Variants in METTL15 observed in about 807,000 individuals in gnomAD.
METTL15 encodes methyltransferase 15, mitochondrial 12S rRNA N4-cytidine.
Under a neutral mutation model 38.3 loss-of-function variants are expected in METTL15, and 34 were observed. That is an observed-to-expected ratio of 0.89 (90% CI 0.68 to 1.18). The LOEUF (loss-of-function observed/expected upper bound fraction) is 1.18, where lower values mean the gene tolerates loss of function less well. Among genes scored for constraint, METTL15 ranks in the 50% most tolerant of loss-of-function variants. The pLI is 0.00. For synonymous variants in METTL15, 162 were observed against 170.9 expected, an observed-to-expected ratio of 0.95 and a Z score of 0.41; for missense variants, 438 against 498.4, an observed-to-expected ratio of 0.88 and a Z score of 1.15.
intron 5 of METTL15, among the ~76,000 whole-genome samples, chr11:28,401,579 G>A (rs568525290): frequency 2.0e-5 from 3 of 151,800 alleles, no homozygotes; most frequent in African/African-American, 7.3e-5. Context: ...ATTGTAAGCA[G>A]CAATACCAGC....
chr11:28,140,151 A>G (rs1412356972), intron 3 of METTL15, among the ~76,000 whole-genome samples: 1 of 152,126 alleles, frequency 6.6e-6, no homozygotes, highest in Non-Finnish European at 1.5e-5. Context: ...GGGGTGTGAG[A>G]TGTGCCTCTA....
chr11:28,340,475 A>G (rs779301078), intron 3 of METTL15, among the ~76,000 whole-genome samples: 2 of 152,170 alleles, frequency 1.3e-5, no homozygotes, highest in Non-Finnish European at 2.9e-5. Context: ...AAACAAATTT[A>G]CAAGAAAGAA....
intron 3 of METTL15, among the ~76,000 whole-genome samples, chr11:28,136,643 A>C (rs1002244166): frequency 1.3e-5 from 2 of 152,198 alleles, no homozygotes; most frequent in Admixed American, 1.3e-4. Context: ...ATTATTCATT[A>C]AAATATAACC....
At chr11:28,152,124 A>G (rs917319725) in intron 3 of METTL15, among the ~76,000 whole-genome samples, 3 of 151,954 alleles carry the variant, frequency 2.0e-5, no homozygotes, top group South Asian at 2.1e-4. Flanking sequence ...CTGCTACTTT[A>G]TATACATTTT....
At chr11:28,211,023 T>G (rs779957461) in intron 3 of METTL15, 39 bp from the exon 4 acceptor site, 13 of 1,576,590 alleles carry the variant, frequency 8.2e-6, no homozygotes, top group Non-Finnish European at 9.4e-6. Context: ...TAAGTTTTGT[T>G]TATGCTAAGT....
At chr11:28,387,302 A>G (rs1028114002) in intron 5 of METTL15, among the ~76,000 whole-genome samples, 1 of 151,906 alleles carries the variant, frequency 6.6e-6, no homozygotes, top group Admixed American at 6.6e-5. Flanking sequence ...AAATTGACAA[A>G]CTCTTAGCTA....
At chr11:28,122,259 A>G (rs1852275553) in intron 3 of METTL15, 1 of 1,017,724 alleles carries the variant, frequency 9.8e-7, no homozygotes, top group African/African-American at 1.7e-5. Context: ...ATCATGTTAT[A>G]AAATGTGAAA....
chr11:28,255,837 G>T (rs1486381624), intron 4 of METTL15, among the ~76,000 whole-genome samples: 1 of 152,190 alleles, frequency 6.6e-6, no homozygotes, highest in African/African-American at 2.4e-5. Flanking sequence ...CCAAGTGTCT[G>T]GGATTACAGG....
chr11:28,204,544 A>T (rs2133825538), intron 3 of METTL15, among the ~76,000 whole-genome samples: 1 of 150,266 alleles, frequency 6.7e-6, no homozygotes, highest in East Asian at 2.0e-4. Flanking sequence ...ATGCTTGGTA[A>T]ACCATAAAGC....
At chr11:28,155,348 G>A (rs1205840833) in intron 3 of METTL15, among the ~76,000 whole-genome samples, 1 of 152,128 alleles carries the variant, frequency 6.6e-6, no homozygotes, top group African/African-American at 2.4e-5. Context: ...TACAAGGGGT[G>A]GAGGAGAGAA....
intron 4 of METTL15, among the ~76,000 whole-genome samples, chr11:28,286,633 A>G (rs959067269): frequency 2.6e-5 from 4 of 152,120 alleles, no homozygotes; most frequent in Non-Finnish European, 4.4e-5. Context: ...GAACTGTTTA[A>G]CAAAACAGTA....
intron 5 of METTL15, among the ~76,000 whole-genome samples, chr11:28,393,832 G>A (rs1186199841): frequency 1.3e-5 from 2 of 152,132 alleles, no homozygotes; most frequent in African/African-American, 4.8e-5. Context: ...ACCATTGGAA[G>A]TCATCTTGAA....
chr11:28,114,615 T>A (rs975223593), intron 3 of METTL15, among the ~76,000 whole-genome samples: 7 of 152,088 alleles, frequency 4.6e-5, no homozygotes, highest in Non-Finnish European at 1.0e-4. Flanking sequence ...CGTGGCCGGC[T>A]AATTTTTGTA....
At chr11:28,394,893 T>C (rs1314302843) in intron 5 of METTL15, among the ~76,000 whole-genome samples, 1 of 152,074 alleles carries the variant, frequency 6.6e-6, no homozygotes, top group Non-Finnish European at 1.5e-5. Context: ...TAGATACTTA[T>C]TAAGTATAAG....
intron 3 of METTL15, among the ~76,000 whole-genome samples, chr11:28,178,277 A>G (rs1851151384): frequency 6.6e-6 from 1 of 151,952 alleles, no homozygotes; most frequent in African/African-American, 2.4e-5. Flanking sequence ...TAGTAAACAT[A>G]AGTAAACAAA....
chr11:28,379,151 C>T (rs1850354989), intron 5 of METTL15, among the ~76,000 whole-genome samples: 1 of 151,260 alleles, frequency 6.6e-6, no homozygotes, highest in South Asian at 2.1e-4. Context: ...TTTATCTTTT[C>T]AGAAAACCAC....
At chr11:28,293,010 G>C (rs1279813772) in intron 5 of METTL15, among the ~76,000 whole-genome samples, 1 of 152,100 alleles carries the variant, frequency 6.6e-6, no homozygotes, top group Non-Finnish European at 1.5e-5. Flanking sequence ...TAGGTTGCCT[G>C]TTCACTCTGA....
At chr11:28,192,008 A>G (rs964756373) in intron 3 of METTL15, among the ~76,000 whole-genome samples, 1 of 151,742 alleles carries the variant, frequency 6.6e-6, no homozygotes, top group African/African-American at 2.4e-5. Flanking sequence ...ATAATGATTA[A>G]CCAGATAATC....
rs1282050971 is a variant in METTL15, at chr11:28,228,045, A to T, written c.407+16847A>T. Among the ~76,000 whole-genome samples, 5 of 151,938 alleles carry T rather than the reference A, an allele frequency of 3.3e-5. No homozygotes were observed. In the East Asian group the frequency reaches 9.6e-4, roughly 29 times the overall value. On this transcript the variant is annotated intron_variant, in intron 4 of 6. Transcript: ENST00000407364. ...ACTAAATTTTGTAAGACCCTCAAGA[A>T]TTCCCATTCTTCTGACTTAGCCAGT...
Sources: allele counts gnomAD v4.1 joint callset (sites outside exome capture counted in the v4.1 genomes callset), GRCh38; gene constraint gnomAD v4.1.1; transcripts MANE v1.5; gene names NCBI Gene and HGNC (gene_info 2026-07-23, HGNC 2026-07-21).